KIF5B: variants seen among roughly 807,000 people sequenced by gnomAD.
KIF5B encodes kinesin family member 5B.
In KIF5B, 49 loss-of-function variants were observed where a neutral mutation model predicts 132.8. The ratio of observed to expected loss-of-function variants is 0.37; its 90% CI spans 0.29 to 0.47. KIF5B has a LOEUF of 0.47. Ranked by LOEUF, KIF5B falls within the 20% of genes least tolerant of loss-of-function variation. KIF5B has a pLI of 1.00. For missense variants in KIF5B, 780 were observed against 1,144.0 expected (o/e 0.68, Z 4.59); for synonymous variants, 355 against 369.4 (o/e 0.96, Z 0.45).
chr10:32,037,105 A>G, intron 8 of KIF5B, 149 bp downstream of exon 8: 1 of 659,002 alleles, frequency 1.5e-6, no homozygotes, highest in South Asian at 1.9e-5. Flanking sequence ...TGATATCATC[A>G]TAAGGCACTG....
At chr10:32,033,213 AT>A (rs1341601087) in intron 12 of KIF5B, among the ~76,000 whole-genome samples, 1 of 152,084 alleles carries the variant, frequency 6.6e-6, no homozygotes, top group Non-Finnish European at 1.5e-5. Context: ...CAGAGCCCTG[AT>A]TCTAACAATT....
At chr10:32,049,029 A>G (rs1186632043) in intron 1 of KIF5B, among the ~76,000 whole-genome samples, 3 of 151,956 alleles carry the variant, frequency 2.0e-5, no homozygotes, top group Non-Finnish European at 2.9e-5. Context: ...CCACCATGCT[A>G]TGTTGCCCAG....
chr10:32,053,253 C>T (rs1002475621), intron 1 of KIF5B, among the ~76,000 whole-genome samples: 4 of 152,072 alleles, frequency 2.6e-5, no homozygotes, highest in African/African-American at 9.7e-5. Flanking sequence ...TAACCTTTTA[C>T]AAAATGAAAT....
chr10:32,034,923 A>G (rs1841445471), intron 10 of KIF5B, 85 bp from the exon 11 acceptor site: 3 of 1,010,506 alleles, frequency 3.0e-6, no homozygotes, highest in Non-Finnish European at 4.0e-6. Flanking sequence ...ATATATGGCT[A>G]AGAAACTTAT....
rs200653435 is a variant in KIF5B at position 32,015,663 on chromosome 10, A to G, written c.2762-4T>C. 10 of 1,602,718 alleles carry G rather than the reference A, an allele frequency of 6.2e-6. No homozygotes were observed. In the East Asian group the frequency reaches 2.2e-4, roughly 36 times the overall value. On this transcript the variant is annotated splice_polypyrimidine_tract_variant and splice_region_variant and intron_variant, in intron 24 of 25. Coordinates refer to ENST00000302418, the MANE Select transcript of KIF5B (RefSeq NM_004521.3). ...TGCCCGGGACGAATAGGTTTAGCTA[A>G]TATGAAAAATAAAGACAGACTTTAG... is the stretch of plus-strand genomic sequence containing the variant.
chr10:32,014,417 T>C (rs972666773), intron 25 of KIF5B, among the ~76,000 whole-genome samples: 131 of 151,264 alleles, frequency 8.7e-4, no homozygotes, highest in African/African-American at 3.1e-3. Context: ...GGTGTGGGGT[T>C]TGTGGGGGCA....
At chr10:32,029,080 T>C (rs956665707) in intron 14 of KIF5B, among the ~76,000 whole-genome samples, 1 of 152,204 alleles carries the variant, frequency 6.6e-6, no homozygotes, top group African/African-American at 2.4e-5. Flanking sequence ...AAAGTAATAT[T>C]ATCTGAGTTT....
rs1308953922 is a variant in KIF5B at position 32,022,245 on chromosome 10, T to C, written c.1927A>G (p.Ile643Val). The C allele has an allele frequency of 6.2e-6, 10 of 1,605,832 alleles. No homozygotes were observed. The highest frequency in any genetic ancestry group is 2.2e-5 in the East Asian group (1 of 44,796). Reference sequence around the variant, plus strand: ...TGAAGGTATTCAGTCAATGACTTGATTTTGGCTTCATGCTTTTGGAAAAAA... The same window carrying C: ...TGAAGGTATTCAGTCAATGACTTGACTTTGGCTTCATGCTTTTGGAAAAAA... ...QLRISQHEAK[I>V]KSLTEYLQNV... Residue 643 changes from isoleucine to valine, a missense_variant, in exon 17 of 26, where the codon ATC becomes GTC. Coordinates refer to ENST00000302418, the MANE Select transcript of KIF5B (RefSeq NM_004521.3).
Position 32,017,340 on chromosome 10 carries a change from T to G in KIF5B, c.2564A>C (p.Asp855Ala). The part of the protein sequence containing the change: ...VHKQLVRDNA[D>A]LRCELPKLEK... ...CAACTTAGGAAGTTCACAGCGGAGA[T>G]CTGCATTATCACGTACCAACTAAAC... The change falls in exon 24 of 26, where the codon GAT becomes GCT. Residue 855 changes from aspartate (D) to alanine (A), a missense_variant. By Grantham distance (126) the Asp-to-Ala change is moderately radical. Coordinates refer to ENST00000302418, the MANE Select transcript of KIF5B (RefSeq NM_004521.3). 4 of 1,613,956 alleles carry G rather than the reference T, an allele frequency of 2.5e-6. No homozygotes were observed. Among genetic ancestry groups the G allele is most frequent in the Non-Finnish European group, 3.4e-6 (4 of 1,179,884 alleles).
intron 14 of KIF5B, among the ~76,000 whole-genome samples, chr10:32,029,599 A>T (rs751873322): frequency 3.3e-5 from 5 of 152,210 alleles, no homozygotes; most frequent in Non-Finnish European, 5.9e-5. Flanking sequence ...TGCTTCTACC[A>T]TAATTGTTTA....
intron 25 of KIF5B, among the ~76,000 whole-genome samples, chr10:32,013,250 T>A (rs1420805797): frequency 6.6e-6 from 1 of 152,194 alleles, no homozygotes; most frequent in Non-Finnish European, 1.5e-5. Context: ...AAAACTGCTA[T>A]GAGTCCAAAG....
chr10:32,017,808 C>T (rs184918422), intron 23 of KIF5B, among the ~76,000 whole-genome samples: 5 of 152,244 alleles, frequency 3.3e-5, no homozygotes, highest in African/African-American at 7.2e-5. Context: ...TATGAAAATG[C>T]ACAGTCTTAA....
In KIF5B at chr10:32,022,881, C is replaced by G; in HGVS notation, c.1881G>C (p.Lys627Asn). The G allele has an allele frequency of 6.2e-7, 1 of 1,613,046 alleles. No homozygotes were observed. Among genetic ancestry groups the G allele is most frequent in the Non-Finnish European group, 8.5e-7 (1 of 1,179,352 alleles). The change falls in exon 16 of 26, where the codon AAG (lysine) becomes AAC (asparagine). Residue 627 changes from lysine to asparagine, a missense_variant. By Grantham distance (94) the Lys-to-Asn change is moderately conservative. Around this residue, in one of 9 missense-constraint regions of KIF5B, gnomAD observed 471 missense variants for 569.9 expected, o/e 0.83. Coordinates refer to ENST00000302418, the MANE Select transcript of KIF5B (RefSeq NM_004521.3). ...TACGAAGCTGACATGCTGCTAACTC[C>G]TTTTCATTTTCTTCCATTTTTTTGT... is the stretch of plus-strand genomic sequence containing the variant. ...ESNKKMEENE[K>N]ELAACQLRIS...
chr10:32,014,639 T>C (rs1192829622), intron 25 of KIF5B, among the ~76,000 whole-genome samples: 2 of 152,192 alleles, frequency 1.3e-5, no homozygotes, highest in Non-Finnish European at 2.9e-5. Context: ...AAAGAACAGA[T>C]ATTACTTATA....
chr10:32,043,266 A>G (rs911366524), intron 2 of KIF5B, among the ~76,000 whole-genome samples: 1 of 152,104 alleles, frequency 6.6e-6, no homozygotes, highest in African/African-American at 2.4e-5. Flanking sequence ...GCCTCCCAAA[A>G]TGCTAGGATT....
chr10:32,017,465 T>G, intron 23 of KIF5B, 106 bp from the exon 24 acceptor site: 1 of 821,538 alleles, frequency 1.2e-6, no homozygotes. Flanking sequence ...GCATTTTATA[T>G]TGTTTCCCAT....
At chr10:32,046,234 T>C (rs187129681) in intron 2 of KIF5B, among the ~76,000 whole-genome samples, 19 of 152,306 alleles carry the variant, frequency 1.2e-4, no homozygotes, top group African/African-American at 3.6e-4. Context: ...GGTAACTTTC[T>C]ATTGGTTAGA....
At position 32,010,222 on chromosome 10, in the gene KIF5B, A is replaced by G. The variant is rs1411431662; in HGVS notation, c.*1315T>C. The stretch of plus-strand genomic sequence containing the variant: ...GTCACCGCCCCCCTACCACTGATGA[A>G]GCAAATAGTGAAATCTCTTTCCCTA... On this transcript the variant is annotated 3_prime_UTR_variant, in exon 26 of 26. Coordinates refer to ENST00000302418, the MANE Select transcript of KIF5B (RefSeq NM_004521.3). 6.6e-6 allele frequency: 1 copy of G among 152,156 alleles called. No individual in the cohort carries two copies. The highest frequency in any genetic ancestry group is 1.5e-5 in the Non-Finnish European group (1 of 68,002). The allele number at this position is 152,156 out of a possible 1,614,324, so 9.4% of individuals were successfully genotyped here. A position where few individuals can be genotyped will look rare whatever the true frequency, so the allele number is the denominator to read the frequency against.
chr10:32,018,883 A>AC (rs1841218941), intron 20 of KIF5B, among the ~76,000 whole-genome samples: 1 of 152,004 alleles, frequency 6.6e-6, no homozygotes, highest in Non-Finnish European at 1.5e-5. Flanking sequence ...TTTTGTAGAG[A>AC]CGGGGTCTCA....
Sources: allele counts gnomAD v4.1 joint callset (sites outside exome capture counted in the v4.1 genomes callset), GRCh38; gene constraint gnomAD v4.1.1; regional missense constraint gnomAD v4.1.1; transcripts MANE v1.5; gene names NCBI Gene and HGNC (gene_info 2026-07-23, HGNC 2026-07-21).